The following LAMTOR4 variants were observed in gnomAD, a reference collection of about 807,000 sequenced individuals.
LAMTOR4 encodes the protein ragulator complex protein LAMTOR4.
A neutral mutation model predicts 13.5 loss-of-function variants in LAMTOR4; 11 were observed. The ratio of observed to expected loss-of-function variants is 0.82; its 90% CI spans 0.51 to 1.35. LAMTOR4 has a LOEUF of 1.35. Among genes scored for constraint, LAMTOR4 ranks in the 40% most tolerant of loss-of-function variants. The pLI is 0.00. For missense variants in LAMTOR4, 128 were observed against 126.2 expected (o/e 1.01, Z -0.07); for synonymous variants, 69 against 52.3 (o/e 1.32, Z -1.38).
At position 100,148,923 on chromosome 7, in the gene LAMTOR4, G is replaced by A. The variant is rs1183707990; in HGVS notation, c.-50G>A. The stretch of plus-strand genomic sequence containing the variant: ...TGCAAGCACGTGACCGGGGCCTGAA[G>A]CCGGAAGCTACCTATCTGGTAGGGA... On this transcript the variant is annotated 5_prime_UTR_variant, in exon 1 of 4. Transcript: ENST00000341942. 3.1e-6 allele frequency: 5 copies of A among 1,611,284 alleles called. No homozygotes were observed. The Admixed American group carries it at 8.3e-5, about 27-fold the overall frequency.
chr7:100,153,306 G>A (rs1330483682), intron 2 of LAMTOR4, 94 bp from the exon 3 acceptor site: 5 of 867,980 alleles, frequency 5.8e-6, no homozygotes, highest in African/African-American at 1.7e-5. Context: ...GGGGGAGAGG[G>A]TCTAAGTGTG....
At chr7:100,149,842 C>T in intron 2 of LAMTOR4, 1 of 308,396 alleles carries the variant, frequency 3.2e-6, no homozygotes, top group Non-Finnish European at 6.2e-6. Flanking sequence ...GTGGTGCGAC[C>T]TCGGCTCACT....
At chr7:100,151,057 G>C (rs1368287281) in intron 2 of LAMTOR4, among the ~76,000 whole-genome samples, 1 of 151,714 alleles carries the variant, frequency 6.6e-6, no homozygotes, top group Non-Finnish European at 1.5e-5. Flanking sequence ...AAGGAGAGAA[G>C]AGTTTTGTTT....
intron 2 of LAMTOR4, among the ~76,000 whole-genome samples, chr7:100,150,579 C>A (rs1021078289): frequency 6.6e-6 from 1 of 152,144 alleles, no homozygotes; most frequent in Non-Finnish European, 1.5e-5. Flanking sequence ...TGAACTTATT[C>A]TTGAAGGTAA....
intron 1 of LAMTOR4, 44 bp downstream of exon 1, chr7:100,149,019 C>A (rs759184308): frequency 1.9e-6 from 3 of 1,598,574 alleles, no homozygotes; most frequent in Non-Finnish European, 2.6e-6. Context: ...GGGGGTTCAG[C>A]GTCTCTGCTC....
chr7:100,153,418 A>G lies in LAMTOR4; in HGVS notation c.103A>G (p.Asn35Asp). 3 of 1,610,902 alleles carry G rather than the reference A, an allele frequency of 1.9e-6. No individual in the cohort carries two copies. The highest frequency in any genetic ancestry group is 2.5e-6 in the Non-Finnish European group (3 of 1,179,374). The change falls in exon 3 of 4, where the codon AAT becomes GAT. Residue 35 changes from asparagine to aspartate, a missense_variant. By Grantham distance (23) the Asn-to-Asp change is conservative (BLOSUM62 1). Coordinates refer to ENST00000341942, the MANE Select transcript of LAMTOR4 (RefSeq NM_001008395.4). The part of the protein sequence containing the change: ...AVLASSGDLE[N>D]DEQAASAISE... Reference sequence around the variant, plus strand: ...CATGCAGTCATCTGGGGACCTGGAGAATGATGAGCAGGCAGCCAGTGCCAT... The same window carrying G: ...CATGCAGTCATCTGGGGACCTGGAGGATGATGAGCAGGCAGCCAGTGCCAT...
rs1798799952 is a variant in LAMTOR4 at position 100,153,857 on chromosome 7, T to A, written c.203-10T>A. On this transcript the variant is annotated splice_polypyrimidine_tract_variant and intron_variant, in intron 3 of 3. Coordinates refer to ENST00000341942, the MANE Select transcript of LAMTOR4 (RefSeq NM_001008395.4). ...CTCCTGGGGCGGGGGAAGGTGTGTC[T>A]CTCCTCCAGTGGTCTTTGGAGAACA... The A allele has an allele frequency of 1.3e-6, 2 of 1,555,970 alleles. No homozygotes were observed. The highest frequency in any genetic ancestry group is 2.4e-5 in the South Asian group (2 of 84,938).
chr7:100,154,156 C>T lies in LAMTOR4; in HGVS notation c.*192C>T. On this transcript the variant is annotated 3_prime_UTR_variant, in exon 4 of 4. Transcript: ENST00000341942. ...AGGAGAACAAGGGCAAGGAGACCTC[C>T]CTTTGTGCTCCCTCACTCCCTAATA... 1.7e-6 allele frequency: 1 copy of T among 575,730 alleles called. No individual in the cohort carries two copies. Among genetic ancestry groups the T allele is most frequent in the East Asian group, 2.9e-5 (1 of 34,330 alleles). The allele number at this position is 575,730 out of a possible 1,614,324, so 35.7% of individuals were successfully genotyped here.
chr7:100,150,872 C>T (rs1229149890), intron 2 of LAMTOR4, among the ~76,000 whole-genome samples: 1 of 151,620 alleles, frequency 6.6e-6, no homozygotes, highest in Non-Finnish European at 1.5e-5. Context: ...ACTTGTAGTC[C>T]CAGCTACTCG....
rs1562947908 is a variant in LAMTOR4 at position 100,148,940 on chromosome 7, TG to T, written c.-31del. On this transcript the variant is annotated 5_prime_UTR_variant, in exon 1 of 4. Transcript: ENST00000341942. ...GGCCTGAAGCCGGAAGCTACCTATCTGGTAGGGAGCTCCCCCAGCACCGAAG... is the reference window on the plus strand; with the variant it reads ...GGCCTGAAGCCGGAAGCTACCTATCTGTAGGGAGCTCCCCCAGCACCGAAG... 6.2e-7 allele frequency: 1 copy of T among 1,611,940 alleles called. No individual in the cohort carries two copies. The highest frequency in any genetic ancestry group is 8.5e-7 in the Non-Finnish European group (1 of 1,179,794).
intron 1 of LAMTOR4, 122 bp downstream of exon 1, chr7:100,149,097 A>T: frequency 1.6e-6 from 2 of 1,289,398 alleles, no homozygotes; most frequent in South Asian, 2.7e-5. Flanking sequence ...CTCGGGGAGG[A>T]AGAGGGGATG....
intron 2 of LAMTOR4, among the ~76,000 whole-genome samples, chr7:100,151,829 T>TA (rs1359962085): frequency 6.7e-6 from 1 of 148,246 alleles, no homozygotes; most frequent in African/African-American, 2.5e-5. Flanking sequence ...CCCAAGTAAC[T>TA]AGAACTACAG....
chr7:100,153,252 T>G, intron 2 of LAMTOR4, 148 bp from the exon 3 acceptor site: 1 of 663,474 alleles, frequency 1.5e-6, no homozygotes, highest in Non-Finnish European at 2.7e-6. Flanking sequence ...TAGGGGGAGA[T>G]TTCAGGTTGT....
chr7:100,153,574 GGGCTTCTC>G (rs752622555), intron 3 of LAMTOR4, 57 bp downstream of exon 3: 9 of 1,439,888 alleles, frequency 6.3e-6, no homozygotes, highest in Admixed American at 1.7e-5. Flanking sequence ...CTACTTCCAG[GGGCTTCTC>G]GGCTTCTCTT....
intron 1 of LAMTOR4, chr7:100,149,269 T>G (rs1384395001): frequency 5.5e-6 from 3 of 544,286 alleles, no homozygotes; most frequent in African/African-American, 2.5e-5. Flanking sequence ...GTAGCAAAGG[T>G]GGGATGTGGA....
chr7:100,151,911 C>T (rs1022116386), intron 2 of LAMTOR4, among the ~76,000 whole-genome samples: 1 of 151,886 alleles, frequency 6.6e-6, no homozygotes, highest in Non-Finnish European at 1.5e-5. Flanking sequence ...GCTATGTTGC[C>T]CAGGCTGGTC....
chr7:100,152,619 G>A (rs1280894696), intron 2 of LAMTOR4: 1 of 152,174 alleles, frequency 6.6e-6, no homozygotes, highest in Non-Finnish European at 1.5e-5. Flanking sequence ...CAGAAAAGAG[G>A]AAGCCCAAGC....
Position 100,153,968 on chromosome 7 carries a change from T to G in LAMTOR4, c.*4T>G. 6.3e-7 allele frequency: 1 copy of G among 1,576,952 alleles called. No homozygotes were observed. The highest frequency in any genetic ancestry group is 8.6e-7 in the Non-Finnish European group (1 of 1,160,914). On this transcript the variant is annotated 3_prime_UTR_variant, in exon 4 of 4. Transcript: ENST00000341942. ...TCGGGAGCCCATTGATGTCTGAGCCTGCCGGAGGGCGAGGGTCGGAGAAGC... is the reference window on the plus strand; with the variant it reads ...TCGGGAGCCCATTGATGTCTGAGCCGGCCGGAGGGCGAGGGTCGGAGAAGC...
intron 2 of LAMTOR4, among the ~76,000 whole-genome samples, chr7:100,151,472 T>C (rs1459520931): frequency 1.3e-5 from 2 of 150,736 alleles, no homozygotes; most frequent in African/African-American, 4.9e-5. Context: ...CACTGCAAGC[T>C]CCGCCTCCCG....
Sources: allele counts gnomAD v4.1 joint callset (sites outside exome capture counted in the v4.1 genomes callset), GRCh38; gene constraint gnomAD v4.1.1; transcripts MANE v1.5; gene names NCBI Gene and HGNC (gene_info 2026-07-23, HGNC 2026-07-21).